Variants in RBFOX1 observed in about 807,000 individuals in gnomAD.
The protein encoded by RBFOX1 is RNA binding protein fox-1 homolog 1.
Under a neutral mutation model 57.7 loss-of-function variants are expected in RBFOX1, and 8 were observed. The observed-to-expected ratio is 0.14, with a 90% CI of 0.08 to 0.25. RBFOX1 has a LOEUF of 0.25. Ranked by LOEUF, RBFOX1 falls within the 10% of genes least tolerant of loss-of-function variation. The probability of loss-of-function intolerance (pLI) is 1.00; values close to 1 mark genes in which losing one functional copy is unlikely to be tolerated. For missense variants in RBFOX1, 611 were observed against 548.5 expected, an observed-to-expected ratio of 1.11 and a Z score of -1.14; for synonymous variants, 326 against 222.4, an observed-to-expected ratio of 1.47 and a Z score of -4.15.
intron 1 of RBFOX1, among the ~76,000 whole-genome samples, chr16:5,395,585 G>C (rs1467653227): frequency 1.3e-5 from 2 of 152,198 alleles, no homozygotes; most frequent in East Asian, 3.9e-4. Flanking sequence ...TGGTGGAGAC[G>C]TTCAGGTGGT....
intron 4 of RBFOX1, among the ~76,000 whole-genome samples, chr16:7,216,914 C>T (rs1368084213): frequency 6.6e-6 from 1 of 151,714 alleles, no homozygotes; most frequent in East Asian, 1.9e-4. Context: ...CATTTTATAC[C>T]CAAGGAAACA....
intron 4 of RBFOX1, among the ~76,000 whole-genome samples, chr16:7,250,322 C>A (rs1353108604): frequency 2.0e-5 from 3 of 152,114 alleles, no homozygotes; most frequent in Admixed American, 6.5e-5. Context: ...GCGTGGGATG[C>A]TTATATTAAT....
intron 1 of RBFOX1, among the ~76,000 whole-genome samples, chr16:5,338,840 G>A (rs1003545541): frequency 2.0e-5 from 3 of 151,984 alleles, no homozygotes; most frequent in Non-Finnish European, 4.4e-5. Flanking sequence ...TGTATAGGTT[G>A]GGGTCTTACT....
chr16:5,774,075 G>T (rs1045615844), intron 3 of RBFOX1, among the ~76,000 whole-genome samples: 2 of 152,134 alleles, frequency 1.3e-5, no homozygotes, highest in Non-Finnish European at 2.9e-5. Flanking sequence ...ACAATGTGAT[G>T]TCTGCTTTAT....
At chr16:5,728,375 G>A (rs184054283) in intron 3 of RBFOX1, among the ~76,000 whole-genome samples, 41 of 152,260 alleles carry the variant, frequency 2.7e-4, no homozygotes, top group African/African-American at 9.1e-4. Flanking sequence ...TCCTAAGCAC[G>A]GACTCCTGTG....
chr16:5,836,032 T>C (rs2056445675), intron 3 of RBFOX1, among the ~76,000 whole-genome samples: 1 of 152,208 alleles, frequency 6.6e-6, no homozygotes, highest in Non-Finnish European at 1.5e-5. Context: ...GAACTCAGAT[T>C]AGTCCCTGCC....
At chr16:6,747,768 G>T (rs993081609) in intron 3 of RBFOX1, among the ~76,000 whole-genome samples, 2 of 152,060 alleles carry the variant, frequency 1.3e-5, no homozygotes, top group Non-Finnish European at 2.9e-5. Context: ...AGATTCCTGG[G>T]AGTTGTCAAT....
intron 3 of RBFOX1, among the ~76,000 whole-genome samples, chr16:6,820,536 A>G (rs1481333799): frequency 3.3e-5 from 5 of 151,860 alleles, no homozygotes; most frequent in East Asian, 3.9e-4. Flanking sequence ...GCGTGCACCT[A>G]TAGTCTCAGC....
intron 3 of RBFOX1, among the ~76,000 whole-genome samples, chr16:5,688,047 C>A (rs1011805813): frequency 6.6e-5 from 10 of 152,118 alleles, no homozygotes; most frequent in African/African-American, 2.2e-4. Context: ...AAAATTTGAT[C>A]CAACCAGGTC....
chr16:6,208,018 A>G (rs1298281197), intron 1 of RBFOX1, among the ~76,000 whole-genome samples: 1 of 152,038 alleles, frequency 6.6e-6, no homozygotes, highest in Admixed American at 6.6e-5. Context: ...ATATGTGTAT[A>G]TATGTGTGTG....
At chr16:7,034,834 T>TTTTC (rs2043844784) in intron 3 of RBFOX1, among the ~76,000 whole-genome samples, 4 of 86,108 alleles carry the variant, frequency 4.6e-5, no homozygotes, top group East Asian at 5.1e-4. Context: ...TTACTTTTTT[T>TTTTC]TTTTTTCTTT....
intron 4 of RBFOX1, among the ~76,000 whole-genome samples, chr16:7,441,173 C>T (rs974875325): frequency 6.6e-6 from 1 of 152,102 alleles, no homozygotes; most frequent in African/African-American, 2.4e-5. Context: ...ACCATTGGCC[C>T]AGGAAACTCA....
At chr16:6,849,786 A>G (rs569955592) in intron 3 of RBFOX1, among the ~76,000 whole-genome samples, 1 of 152,324 alleles carries the variant, frequency 6.6e-6, no homozygotes, top group South Asian at 2.1e-4. Context: ...TCCTCCAAGA[A>G]GCCACCTTGA....
At chr16:7,341,732 CTCCT>C (rs1568305653) in intron 4 of RBFOX1, among the ~76,000 whole-genome samples, 3 of 132,750 alleles carry the variant, frequency 2.3e-5, no homozygotes, top group South Asian at 2.8e-4. Context: ...CCCTCCCTCC[CTCCT>C]TCCCTCCCTC....
At chr16:5,711,325 G>C (rs1208755057) in intron 3 of RBFOX1, among the ~76,000 whole-genome samples, 1 of 152,146 alleles carries the variant, frequency 6.6e-6, no homozygotes, top group African/African-American at 2.4e-5. Context: ...GAGGTTAAGT[G>C]GCCCAAGGTC....
chr16:6,357,408 C>G (rs561183529), intron 2 of RBFOX1, among the ~76,000 whole-genome samples: 1 of 152,018 alleles, frequency 6.6e-6, no homozygotes, highest in African/African-American at 2.4e-5. Context: ...ATTCCCCGGA[C>G]TCCTCAGAAA....
chr16:5,599,302 G>T, exon 3 of RBFOX1: 1 of 626,026 alleles, frequency 1.6e-6, no homozygotes, highest in South Asian at 1.9e-5. Context: ...CCAGGTTGTG[G>T]GAGCACGTGA....
chr16:7,245,967 A>T (rs1230157165), intron 4 of RBFOX1, among the ~76,000 whole-genome samples: 1 of 152,214 alleles, frequency 6.6e-6, no homozygotes, highest in Non-Finnish European at 1.5e-5. Flanking sequence ...TCCCTGAAAA[A>T]AAGTATAGAT....
At chr16:6,102,527 C>G (rs1034854477) in intron 1 of RBFOX1, among the ~76,000 whole-genome samples, 1 of 151,736 alleles carries the variant, frequency 6.6e-6, no homozygotes, top group Admixed American at 6.6e-5. Flanking sequence ...GCAGGTTGAT[C>G]TGGATGTTAG....
Sources: gnomAD v4.1 joint callset for allele counts (sites outside exome capture counted in the v4.1 genomes callset) on GRCh38, gnomAD v4.1.1 for gene constraint, MANE v1.5 for transcripts, NCBI Gene and HGNC (gene_info 2026-07-23, HGNC 2026-07-21) for gene names.